SLIT3: variants seen among roughly 807,000 people sequenced by gnomAD.
SLIT3 encodes the protein slit homolog 3 protein.
SLIT3 carries 68 observed loss-of-function variants against 184.0 expected under a neutral mutation model. That is an observed-to-expected ratio of 0.37 (90% CI 0.30 to 0.45). SLIT3 has a LOEUF of 0.45. Ranked by LOEUF, SLIT3 falls within the 20% of genes least tolerant of loss-of-function variation. SLIT3 has a pLI of 1.00. For synonymous variants in SLIT3, 831 were observed against 828.6 expected (o/e 1.00, Z -0.05); for missense variants, 1,707 against 2,026.0 (o/e 0.84, Z 3.02).
intron 1 of SLIT3, among the ~76,000 whole-genome samples, chr5:169,287,312 G>A (rs185201453): frequency 7.9e-5 from 12 of 152,220 alleles, no homozygotes; most frequent in Non-Finnish European, 1.6e-4. Flanking sequence ...GAGCCCTCAG[G>A]ATATGATCTG....
intron 8 of SLIT3, among the ~76,000 whole-genome samples, chr5:168,808,176 G>C (rs1391169522): frequency 6.7e-6 from 1 of 148,682 alleles, no homozygotes; most frequent in African/African-American, 2.6e-5. Context: ...GAAAATGCCC[G>C]AAAGATGATG....
intron 4 of SLIT3, among the ~76,000 whole-genome samples, chr5:169,000,488 A>G (rs1755669069): frequency 6.6e-6 from 1 of 151,990 alleles, no homozygotes; most frequent in East Asian, 1.9e-4. Flanking sequence ...TTAAGCCTAC[A>G]ATGAAGAATT....
chr5:169,269,784 C>A lies in SLIT3; in HGVS notation c.198-18325G>T, dbSNP rs116879269. Among the ~76,000 whole-genome samples, 542 of 152,350 alleles carry A rather than the reference C, an allele frequency of 3.6e-3. 14 individuals carry two copies. The East Asian group carries it at 0.067, about 19-fold the overall frequency. ...ACCAAAACTTCATGTCCACTCCCAA[C>A]GAAGACAAACATCCTTTCATCATCC... On this transcript the variant is annotated intron_variant, in intron 1 of 35. Transcript: ENST00000519560.
intron 20 of SLIT3, among the ~76,000 whole-genome samples, chr5:168,724,847 G>A (rs747730632): frequency 1.8e-4 from 28 of 152,222 alleles, no homozygotes; most frequent in Non-Finnish European, 3.2e-4. Flanking sequence ...ATATCCTTAT[G>A]TAGCAGGAAG....
intron 4 of SLIT3, among the ~76,000 whole-genome samples, chr5:169,130,532 T>C (rs1345298396): frequency 6.6e-6 from 1 of 152,186 alleles, no homozygotes; most frequent in African/African-American, 2.4e-5. Flanking sequence ...CTGTTGCAGG[T>C]GTCATATGAA....
chr5:168,978,174 A>C (rs1003512038), intron 4 of SLIT3, among the ~76,000 whole-genome samples: 1 of 152,196 alleles, frequency 6.6e-6, no homozygotes, highest in African/African-American at 2.4e-5. Flanking sequence ...GGAAGGAAAG[A>C]CACCCAGGAC....
At chr5:169,172,741 TA>T (rs1762854614) in intron 4 of SLIT3, among the ~76,000 whole-genome samples, 1 of 152,100 alleles carries the variant, frequency 6.6e-6, no homozygotes, top group Non-Finnish European at 1.5e-5. Context: ...TTTTTTCCAT[TA>T]AAAAATATTT....
At chr5:169,184,728 G>A (rs9313447) in intron 4 of SLIT3, among the ~76,000 whole-genome samples, 35,884 of 152,064 alleles carry the variant, frequency 0.24, 5,705 homozygotes, top group African/African-American at 0.44. Context: ...TGCTAAGTTT[G>A]AAAACCAACC....
chr5:168,669,025 C>T (rs768607157), intron 35 of SLIT3, among the ~76,000 whole-genome samples: 14 of 152,204 alleles, frequency 9.2e-5, no homozygotes, highest in East Asian at 3.8e-4. Flanking sequence ...TGGCCTTCAT[C>T]GTGACAATGT....
intron 4 of SLIT3, among the ~76,000 whole-genome samples, chr5:168,933,274 T>G (rs1293285419): frequency 1.3e-5 from 2 of 151,422 alleles, no homozygotes; most frequent in African/African-American, 4.9e-5. Flanking sequence ...CTGGGCGCGG[T>G]GGCTCAAGCC....
intron 4 of SLIT3, among the ~76,000 whole-genome samples, chr5:169,005,059 C>T (rs956786436): frequency 5.9e-5 from 9 of 152,164 alleles, no homozygotes; most frequent in Admixed American, 4.6e-4. Context: ...TTTCCAACAG[C>T]AGGAATACTT....
intron 4 of SLIT3, among the ~76,000 whole-genome samples, chr5:168,968,266 T>C (rs1238273415): frequency 1.3e-5 from 2 of 152,156 alleles, no homozygotes; most frequent in Non-Finnish European, 2.9e-5. Flanking sequence ...TTACTCTTCT[T>C]GGGTCTCCCA....
intron 4 of SLIT3, among the ~76,000 whole-genome samples, chr5:169,021,343 T>C (rs569404595): frequency 6.6e-6 from 1 of 152,222 alleles, no homozygotes; most frequent in South Asian, 2.1e-4. Flanking sequence ...TATGGTGAGA[T>C]AGTATTCTTT....
At chr5:168,715,911 A>G (rs1762710999) in intron 23 of SLIT3, among the ~76,000 whole-genome samples, 1 of 151,992 alleles carries the variant, frequency 6.6e-6, no homozygotes, top group African/African-American at 2.4e-5. Flanking sequence ...GCCTCAGGTG[A>G]TCGACCTGCC....
intron 5 of SLIT3, among the ~76,000 whole-genome samples, chr5:168,861,469 G>A (rs1561973821): frequency 1.4e-5 from 2 of 146,700 alleles, no homozygotes; most frequent in African/African-American, 2.5e-5. Flanking sequence ...CTGCAGTAGA[G>A]GAATTGCATG....
At chr5:168,799,769 A>G (rs1756699828) in intron 9 of SLIT3, among the ~76,000 whole-genome samples, 1 of 152,208 alleles carries the variant, frequency 6.6e-6, no homozygotes, top group Admixed American at 6.5e-5. Flanking sequence ...TCTTCCTTGC[A>G]CACTGGCTCA....
At chr5:169,299,383 A>G (rs1055938028) in intron 1 of SLIT3, among the ~76,000 whole-genome samples, 1 of 152,212 alleles carries the variant, frequency 6.6e-6, no homozygotes, top group Non-Finnish European at 1.5e-5. Flanking sequence ...AATGCTTGTC[A>G]TCACTACTCT....
intron 4 of SLIT3, among the ~76,000 whole-genome samples, chr5:169,069,785 G>T (rs1423084306): frequency 6.6e-6 from 1 of 152,044 alleles, no homozygotes; most frequent in Non-Finnish European, 1.5e-5. Context: ...TGAATATGAA[G>T]CAAATGGAGT....
At chr5:169,158,186 T>A (rs1201559960) in intron 4 of SLIT3, among the ~76,000 whole-genome samples, 1 of 151,978 alleles carries the variant, frequency 6.6e-6, no homozygotes, top group Admixed American at 6.6e-5. Context: ...CATAGAAAAA[T>A]TTCTGGAAAT....
Sources: gnomAD v4.1 joint callset for allele counts (sites outside exome capture counted in the v4.1 genomes callset) on GRCh38, gnomAD v4.1.1 for gene constraint, MANE v1.5 for transcripts, NCBI Gene and HGNC (gene_info 2026-07-23, HGNC 2026-07-21) for gene names.